The following BTG4 variants were observed in gnomAD, a reference collection of about 807,000 sequenced individuals.
The protein encoded by BTG4 is protein BTG4.
A neutral mutation model predicts 19.3 loss-of-function variants in BTG4; 10 were observed. The observed-to-expected ratio is 0.52, with a 90% CI of 0.32 to 0.88. BTG4 has a LOEUF of 0.88. Ranked by LOEUF, BTG4 falls within the 40% of genes least tolerant of loss-of-function variation. The probability of loss-of-function intolerance (pLI) is 0.04; values close to 1 mark genes in which losing one functional copy is unlikely to be tolerated. For synonymous variants in BTG4, 91 were observed against 95.7 expected, an observed-to-expected ratio of 0.95 and a Z score of 0.29; for missense variants, 238 against 281.9, an observed-to-expected ratio of 0.84 and a Z score of 1.11.
At chr11:111,437,306 A>T in the BTG4 span, among the ~76,000 whole-genome samples, 1,824 of 152,070 alleles carry the variant, frequency 0.012, 36 homozygotes, top group African/African-American at 0.041. Flanking sequence ...AATGGAGGAG[A>T]TCATTCTCCT....
chr11:111,499,573 T>C (rs1249390716), intron 1 of BTG4, among the ~76,000 whole-genome samples: 1 of 152,226 alleles, frequency 6.6e-6, no homozygotes, highest in Non-Finnish European at 1.5e-5. Flanking sequence ...TAACACAGAG[T>C]GAGAATCAAG....
rs1865902438 is a variant in BTG4, at chr11:111,498,891, C to T, written c.-26-89G>A. On this transcript the variant is annotated intron_variant, in intron 1 of 4. Transcript: ENST00000692032. ...AACTGCCATTTGGAAATTTTACATA[C>T]CTTAAAGTTAAAACTGAGAAAATCT... 5.6e-6 allele frequency: 5 copies of T among 893,042 alleles called. No homozygotes were observed. In the South Asian group the frequency reaches 7.5e-5, roughly 13 times the overall value. 55.3% of individuals were successfully genotyped at this position (893,042 alleles called of 1,614,324 possible).
intron 5 of BTG4, among the ~76,000 whole-genome samples, chr11:111,483,935 A>T (rs1219676690): frequency 6.6e-6 from 1 of 152,170 alleles, no homozygotes; most frequent in African/African-American, 2.4e-5. Flanking sequence ...TACAATAATG[A>T]AACCCTTAAA....
chr11:111,507,743 A>T (rs1173169975), intron 1 of BTG4: 1 of 152,192 alleles, frequency 6.6e-6, no homozygotes, highest in Non-Finnish European at 1.5e-5. Context: ...GCCCCTAAAG[A>T]GGAGAGGGAT....
the BTG4 span, among the ~76,000 whole-genome samples, chr11:111,407,003 A>C: frequency 6.6e-6 from 1 of 152,160 alleles, no homozygotes; most frequent in Admixed American, 6.5e-5. Context: ...TATCTAGAAA[A>C]TTTGGATAAC....
At chr11:111,411,936 A>G in the BTG4 span, among the ~76,000 whole-genome samples, 1 of 152,230 alleles carries the variant, frequency 6.6e-6, no homozygotes, top group Non-Finnish European at 1.5e-5. Context: ...TGAGAACCCC[A>G]GAAGGTCATC....
chr11:111,386,715 C>T, the BTG4 span, among the ~76,000 whole-genome samples: 1 of 152,122 alleles, frequency 6.6e-6, no homozygotes, highest in Non-Finnish European at 1.5e-5. Context: ...AGATAAGTTG[C>T]TTTAGGTCCA....
At chr11:111,506,244 T>C (rs897665149) in intron 1 of BTG4, among the ~76,000 whole-genome samples, 1 of 152,046 alleles carries the variant, frequency 6.6e-6, no homozygotes, top group African/African-American at 2.4e-5. Flanking sequence ...CTGCCAACTG[T>C]TGACTGGATA....
chr11:111,493,859 G>A (rs1450542332), downstream of BTG4, among the ~76,000 whole-genome samples: 1 of 152,128 alleles, frequency 6.6e-6, no homozygotes, highest in African/African-American at 2.4e-5. Context: ...TGCACCCAAA[G>A]TAATGAGGCT....
At chr11:111,509,547 T>A (rs927557713) in intron 1 of BTG4, among the ~76,000 whole-genome samples, 1 of 151,724 alleles carries the variant, frequency 6.6e-6, no homozygotes, top group Non-Finnish European at 1.5e-5. Flanking sequence ...ATACAAAAAA[T>A]TAGCCAGGCA....
chr11:111,485,382 A>T (rs568785737), intron 5 of BTG4, among the ~76,000 whole-genome samples: 25 of 152,332 alleles, frequency 1.6e-4, no homozygotes, highest in African/African-American at 5.0e-4. Context: ...AAAATTTTTT[A>T]AAAAATGAAA....
chr11:111,499,668 A>G (rs1865949238), intron 1 of BTG4, among the ~76,000 whole-genome samples: 1 of 152,222 alleles, frequency 6.6e-6, no homozygotes, highest in South Asian at 2.1e-4. Flanking sequence ...ATTTTGCCTT[A>G]GATTTCTTAC....
chr11:111,454,538 A>T, the BTG4 span, among the ~76,000 whole-genome samples: 4 of 152,186 alleles, frequency 2.6e-5, no homozygotes, highest in Admixed American at 2.0e-4. Context: ...AGGATTTCAG[A>T]TTAAAATTAG....
intron 1 of BTG4, among the ~76,000 whole-genome samples, chr11:111,509,060 G>A (rs1006718953): frequency 3.3e-5 from 5 of 152,036 alleles, no homozygotes; most frequent in African/African-American, 1.2e-4. Context: ...ATTTTATACT[G>A]AAAGCAACAG....
the BTG4 span, chr11:111,449,239 G>A: frequency 2.2e-4 from 33 of 152,042 alleles, 1 homozygote; most frequent in Admixed American, 2.2e-3. Context: ...TTTCCAAAAG[G>A]GTCACAGCCA....
At chr11:111,436,914 TCCCCACCATCACCCCG>T in the BTG4 span, among the ~76,000 whole-genome samples, 2 of 152,084 alleles carry the variant, frequency 1.3e-5, no homozygotes, top group Non-Finnish European at 2.9e-5. Flanking sequence ...CAGCATGCCC[TCCCCACCATCACCCCG>T]CCCCACCATC....
chr11:111,392,890 G>A, the BTG4 span, among the ~76,000 whole-genome samples: 1 of 152,184 alleles, frequency 6.6e-6, no homozygotes. Flanking sequence ...TATTGGATGT[G>A]TGTAAAACAG....
chr11:111,389,283 A>T, the BTG4 span, among the ~76,000 whole-genome samples: 1 of 152,240 alleles, frequency 6.6e-6, no homozygotes, highest in Non-Finnish European at 1.5e-5. Context: ...AGATATAAAT[A>T]GAAATGTCAG....
chr11:111,430,493 G>A, the BTG4 span, among the ~76,000 whole-genome samples: 1 of 152,198 alleles, frequency 6.6e-6, no homozygotes, highest in African/African-American at 2.4e-5. Context: ...AATTCTGTCT[G>A]TCCTTTGTCC....
Sources: gnomAD v4.1 joint callset for allele counts (sites outside exome capture counted in the v4.1 genomes callset) on GRCh38, gnomAD v4.1.1 for gene constraint, MANE v1.5 for transcripts, NCBI Gene and HGNC (gene_info 2026-07-23, HGNC 2026-07-21) for gene names.